Variants in SCG5 observed in about 807,000 individuals in gnomAD.
SCG5 encodes the protein neuroendocrine protein 7B2.
Under a neutral mutation model 25.7 loss-of-function variants are expected in SCG5, and 18 were observed. That is an observed-to-expected ratio of 0.70 (90% CI 0.48 to 1.04). The LOEUF is 1.04. Among genes scored for constraint, SCG5 ranks in the 50% least tolerant of loss-of-function variants. SCG5 has a pLI of 0.00. For synonymous variants in SCG5, 101 were observed against 91.7 expected, an observed-to-expected ratio of 1.10 and a Z score of -0.58; for missense variants, 206 against 259.8, an observed-to-expected ratio of 0.79 and a Z score of 1.42.
chr15:32,655,293 G>A (rs2054098319), intron 2 of SCG5, among the ~76,000 whole-genome samples: 2 of 151,860 alleles, frequency 1.3e-5, no homozygotes, highest in South Asian at 4.2e-4. Flanking sequence ...GGGCAACAGA[G>A]CGAGACTCTG....
At chr15:32,657,558 A>G (rs781159269) in intron 2 of SCG5, among the ~76,000 whole-genome samples, 2 of 152,096 alleles carry the variant, frequency 1.3e-5, no homozygotes, top group Non-Finnish European at 2.9e-5. Context: ...GAAGGAGACT[A>G]TGATTCAGCT....
intron 4 of SCG5, among the ~76,000 whole-genome samples, chr15:32,690,802 C>CTT (rs201322158): frequency 2.7e-5 from 4 of 150,098 alleles, no homozygotes; most frequent in African/African-American, 9.8e-5. Context: ...CTGTGGTTGT[C>CTT]TTTGTTTTTT....
chr15:32,643,555 T>G (rs767323267), intron 1 of SCG5, 31 bp from the exon 2 acceptor site: 2 of 1,503,726 alleles, frequency 1.3e-6, no homozygotes, highest in South Asian at 2.2e-5. Context: ...GATTGTAGCC[T>G]ATCAGTATAC....
At position 32,664,272 on chromosome 15, in the gene SCG5, G is replaced by C. The variant is rs74011140; in HGVS notation, c.227-15494G>C. Among the ~76,000 whole-genome samples, 1,173 of 152,156 alleles carry C rather than the reference G, an allele frequency of 7.7e-3. 14 individuals are homozygous for C. The highest frequency in any genetic ancestry group is 0.027 in the African/African-American group (1,124 of 41,506). ...CTATTAGTAGTGTAGCCAGCACCAG[G>C]GTGTCCTAGCCTTTGCCTCCTTCTG... On this transcript the variant is annotated intron_variant, in intron 2 of 5. Transcript: ENST00000300175.
intron 2 of SCG5, among the ~76,000 whole-genome samples, chr15:32,658,306 A>G (rs1033526188): frequency 2.6e-5 from 4 of 152,160 alleles, no homozygotes; most frequent in South Asian, 2.1e-4. Context: ...TGAGAACCCT[A>G]TATGTGGATC....
At chr15:32,662,049 G>T (rs1054069600) in intron 2 of SCG5, among the ~76,000 whole-genome samples, 9 of 152,116 alleles carry the variant, frequency 5.9e-5, no homozygotes, top group Admixed American at 1.3e-4. Context: ...TTTAGTAGCT[G>T]CATTATATCC....
rs1170829531 is a variant in SCG5 at position 32,645,507 on chromosome 15, G to A, written c.226+1689G>A. On this transcript the variant is annotated intron_variant, in intron 2 of 5. Transcript: ENST00000300175. ...AAGTTATGACAGTGCATCCCAGCAG[G>A]TGTTTTGATAGATGTACACACAAGC... 4.6e-5 allele frequency among the ~76,000 whole-genome samples: 7 copies of A among 152,296 alleles called. No individual in the cohort carries two copies. In the East Asian group the frequency reaches 1.4e-3, roughly 29 times the overall value.
At chr15:32,682,431 C>T (rs1205403086) in intron 3 of SCG5, among the ~76,000 whole-genome samples, 3 of 152,264 alleles carry the variant, frequency 2.0e-5, no homozygotes, top group East Asian at 1.9e-4. Flanking sequence ...ATAGGCAATG[C>T]CTCCAAAGAG....
chr15:32,663,085 T>C (rs1256286866), intron 2 of SCG5, among the ~76,000 whole-genome samples: 2 of 132,086 alleles, frequency 1.5e-5, no homozygotes, highest in South Asian at 4.9e-4. Context: ...ATATAATATA[T>C]AATATGTTAT....
chr15:32,644,957 ATT>A (rs1182825441), intron 2 of SCG5, among the ~76,000 whole-genome samples: 3 of 152,220 alleles, frequency 2.0e-5, no homozygotes, highest in Admixed American at 2.0e-4. Flanking sequence ...GTTTTAAGCC[ATT>A]GAGTAAAACT....
chr15:32,644,657 A>G (rs1467792887), intron 2 of SCG5, among the ~76,000 whole-genome samples: 1 of 152,134 alleles, frequency 6.6e-6, no homozygotes, highest in Non-Finnish European at 1.5e-5. Flanking sequence ...GATTCTAATG[A>G]TCTCCTTCTC....
intron 4 of SCG5, among the ~76,000 whole-genome samples, chr15:32,686,366 G>A (rs2054708679): frequency 6.6e-6 from 1 of 152,158 alleles, no homozygotes; most frequent in Non-Finnish European, 1.5e-5. Flanking sequence ...AAGAAAATAT[G>A]GGGAGTCATT....
chr15:32,674,849 G>A (rs770454457), intron 2 of SCG5, among the ~76,000 whole-genome samples: 3 of 152,214 alleles, frequency 2.0e-5, no homozygotes, highest in Admixed American at 6.5e-5. Context: ...AGAGCAGGAT[G>A]CGGTCAAAAG....
chr15:32,675,502 A>G (rs1312032192), intron 2 of SCG5, among the ~76,000 whole-genome samples: 4 of 152,236 alleles, frequency 2.6e-5, no homozygotes, highest in African/African-American at 9.6e-5. Flanking sequence ...CTATACTACA[A>G]TACATTATGT....
At chr15:32,655,711 T>G (rs1394987751) in intron 2 of SCG5, among the ~76,000 whole-genome samples, 1 of 152,230 alleles carries the variant, frequency 6.6e-6, no homozygotes, top group Non-Finnish European at 1.5e-5. Flanking sequence ...CATGCCCTTA[T>G]GAAAGAGGCC....
At chr15:32,650,262 T>A (rs2054012766) in intron 2 of SCG5, among the ~76,000 whole-genome samples, 1 of 152,108 alleles carries the variant, frequency 6.6e-6, no homozygotes, top group African/African-American at 2.4e-5. Context: ...CACACCTGGC[T>A]AATTTTTTTT....
intron 2 of SCG5, among the ~76,000 whole-genome samples, chr15:32,657,569 G>A (rs1383776976): frequency 6.6e-6 from 1 of 152,082 alleles, no homozygotes; most frequent in African/African-American, 2.4e-5. Context: ...TGATTCAGCT[G>A]CCAAACCAAA....
At chr15:32,668,799 T>A (rs1365294405) in intron 2 of SCG5, among the ~76,000 whole-genome samples, 6 of 152,336 alleles carry the variant, frequency 3.9e-5, no homozygotes, top group Admixed American at 3.3e-4. Context: ...ATGTCATCTG[T>A]TGGCTCAGCC....
At chr15:32,661,820 AT>A (rs1268919035) in intron 2 of SCG5, among the ~76,000 whole-genome samples, 4 of 152,194 alleles carry the variant, frequency 2.6e-5, no homozygotes. Context: ...TATGAAGATA[AT>A]AAAAGCTGTC....
Sources: gnomAD v4.1 joint callset for allele counts (sites outside exome capture counted in the v4.1 genomes callset) on GRCh38, gnomAD v4.1.1 for gene constraint, MANE v1.5 for transcripts, NCBI Gene and HGNC (gene_info 2026-07-23, HGNC 2026-07-21) for gene names.